The following AP3B1 variants were observed in gnomAD, a reference collection of about 807,000 sequenced individuals.
AP3B1 encodes AP-3 complex subunit beta-1.
In AP3B1, 61 loss-of-function variants were observed where a neutral mutation model predicts 132.5. The observed-to-expected ratio is 0.46, with a 90% CI of 0.37 to 0.57. AP3B1 has a LOEUF of 0.57. Among genes scored for constraint, AP3B1 ranks in the 20% least tolerant of loss-of-function variants. The pLI is 0.00. For missense variants in AP3B1, 1,120 were observed against 1,289.4 expected, an observed-to-expected ratio of 0.87 and a Z score of 2.01; for synonymous variants, 388 against 438.3, an observed-to-expected ratio of 0.89 and a Z score of 1.43.
At chr5:78,221,014 A>G (rs1211189051) in intron 6 of AP3B1, among the ~76,000 whole-genome samples, 2 of 152,104 alleles carry the variant, frequency 1.3e-5, no homozygotes, top group Non-Finnish European at 2.9e-5. Context: ...ACACCACTGC[A>G]CTCCAGCCCT....
chr5:78,197,431 T>C (rs1745119755), intron 7 of AP3B1, among the ~76,000 whole-genome samples: 3 of 152,218 alleles, frequency 2.0e-5, no homozygotes, highest in Admixed American at 6.5e-5. Context: ...GCATGGTTTA[T>C]ATACTCTTAA....
chr5:78,135,192 TA>T (rs1169166513), intron 15 of AP3B1, among the ~76,000 whole-genome samples: 1 of 152,036 alleles, frequency 6.6e-6, no homozygotes, highest in Non-Finnish European at 1.5e-5. Flanking sequence ...TCACTAAGAG[TA>T]AAAAAGAACT....
intron 22 of AP3B1, among the ~76,000 whole-genome samples, chr5:78,053,686 A>G (rs1748683161): frequency 6.9e-6 from 1 of 144,802 alleles, no homozygotes; most frequent in Non-Finnish European, 1.5e-5. Flanking sequence ...CTCAAAAAAA[A>G]AAAAAAAAAA....
chr5:78,154,946 T>G (rs932767867), intron 14 of AP3B1, among the ~76,000 whole-genome samples: 1 of 152,206 alleles, frequency 6.6e-6, no homozygotes, highest in African/African-American at 2.4e-5. Flanking sequence ...TCTCTAGTAT[T>G]GGCCCCTGAC....
intron 16 of AP3B1, 51 bp from the exon 17 acceptor site, chr5:78,128,211 C>A (rs760054944): frequency 1.0e-5 from 15 of 1,449,728 alleles, no homozygotes; most frequent in Non-Finnish European, 1.2e-5. Flanking sequence ...CTGTATATAA[C>A]AGAGAACAAT....
At chr5:78,201,327 A>C (rs1250932204) in intron 7 of AP3B1, among the ~76,000 whole-genome samples, 2 of 152,190 alleles carry the variant, frequency 1.3e-5, no homozygotes, top group Non-Finnish European at 2.9e-5. Flanking sequence ...ATATACAAAA[A>C]CATAAAAAGA....
intron 22 of AP3B1, among the ~76,000 whole-genome samples, chr5:78,050,074 T>C (rs1389828562): frequency 6.6e-6 from 1 of 152,134 alleles, no homozygotes. Flanking sequence ...GCTATTCCTT[T>C]TGCATATTAG....
intron 1 of AP3B1, among the ~76,000 whole-genome samples, chr5:78,270,016 G>A (rs1357456566): frequency 1.3e-5 from 2 of 152,046 alleles, no homozygotes; most frequent in Non-Finnish European, 2.9e-5. Flanking sequence ...GGATTCAAGT[G>A]ATTCTCCTGC....
chr5:78,105,842 A>T (rs1033356611), intron 20 of AP3B1, among the ~76,000 whole-genome samples: 1 of 152,210 alleles, frequency 6.6e-6, no homozygotes, highest in African/African-American at 2.4e-5. Flanking sequence ...ACAAACAAAC[A>T]AACATGGCAC....
intron 17 of AP3B1, among the ~76,000 whole-genome samples, chr5:78,117,958 T>C (rs1449675800): frequency 3.9e-5 from 6 of 152,240 alleles, no homozygotes; most frequent in Non-Finnish European, 5.9e-5. Flanking sequence ...TGTGCAAGTC[T>C]TTGCTAGAGT....
At chr5:78,117,936 G>C (rs1751932659) in intron 17 of AP3B1, among the ~76,000 whole-genome samples, 1 of 152,062 alleles carries the variant, frequency 6.6e-6, no homozygotes, top group African/African-American at 2.4e-5. Flanking sequence ...TTGTACCTTT[G>C]AGTTTTTCCT....
intron 2 of AP3B1, among the ~76,000 whole-genome samples, chr5:78,252,708 G>A (rs1297662292): frequency 6.6e-6 from 1 of 152,202 alleles, no homozygotes; most frequent in East Asian, 1.9e-4. Context: ...CAATACAACA[G>A]AACACTAGGT....
chr5:78,124,386 T>A (rs1455718023), intron 17 of AP3B1, among the ~76,000 whole-genome samples: 2 of 152,070 alleles, frequency 1.3e-5, no homozygotes, highest in African/African-American at 4.8e-5. Flanking sequence ...AAAATCTCCA[T>A]ATGATTATAA....
At chr5:78,110,802 G>T (rs564245360) in intron 19 of AP3B1, among the ~76,000 whole-genome samples, 74 of 147,946 alleles carry the variant, frequency 5.0e-4, no homozygotes, top group Non-Finnish European at 8.2e-4. Flanking sequence ...ATGAGACAGG[G>T]TCTCATTGTA....
chr5:78,069,610 A>G (rs549628325), intron 22 of AP3B1, among the ~76,000 whole-genome samples: 2 of 152,330 alleles, frequency 1.3e-5, no homozygotes, highest in East Asian at 3.9e-4. Context: ...GAGGACACAA[A>G]CAAATGGAAA....
At chr5:78,123,790 C>T (rs1379624566) in intron 17 of AP3B1, among the ~76,000 whole-genome samples, 15 of 151,584 alleles carry the variant, frequency 9.9e-5, no homozygotes, top group Admixed American at 2.6e-4. Context: ...GTCAGTGTGG[C>T]GATTCCTCAG....
chr5:78,160,332 T>C (rs1358210206), intron 13 of AP3B1, among the ~76,000 whole-genome samples: 1 of 152,140 alleles, frequency 6.6e-6, no homozygotes, highest in African/African-American at 2.4e-5. Context: ...AATAAGGTTA[T>C]TCAAAAAAGT....
chr5:78,139,250 C>G (rs1457378049), intron 15 of AP3B1, among the ~76,000 whole-genome samples: 1 of 152,058 alleles, frequency 6.6e-6, no homozygotes, highest in Non-Finnish European at 1.5e-5. Context: ...AATCCATAAG[C>G]TAGATATATT....
chr5:78,253,218 C>T (rs372041573), intron 2 of AP3B1, among the ~76,000 whole-genome samples: 3 of 152,192 alleles, frequency 2.0e-5, no homozygotes, highest in Admixed American at 1.3e-4. Flanking sequence ...ACAACACCCA[C>T]GTTCTTTCAA....
Sources: allele counts gnomAD v4.1 joint callset (sites outside exome capture counted in the v4.1 genomes callset), GRCh38; gene constraint gnomAD v4.1.1; transcripts MANE v1.5; gene names NCBI Gene and HGNC (gene_info 2026-07-23, HGNC 2026-07-21).